NBPF14: variants seen among roughly 807,000 people sequenced by gnomAD.
The protein encoded by NBPF14 is NBPF member 14.
In NBPF14, 104 loss-of-function variants were observed where a neutral mutation model predicts 91.2. That is an observed-to-expected ratio of 1.14 (90% CI 0.97 to 1.34). NBPF14 has a LOEUF of 1.34. NBPF14 is among the 40% of genes most tolerant of loss of function. NBPF14 has a pLI of 0.00. For synonymous variants in NBPF14, 294 were observed against 303.8 expected (o/e 0.97, Z 0.34); for missense variants, 908 against 783.0 (o/e 1.16, Z -1.91).
chr1:148,534,967 A>C lies in NBPF14; in HGVS notation c.8442-111T>G, dbSNP rs1413244215. 13 of 738,538 alleles carry C rather than the reference A, an allele frequency of 1.8e-5. 2 individuals carry two copies. In the Admixed American group the frequency reaches 2.5e-4, roughly 14 times the overall value. 45.7% of individuals were successfully genotyped at this position (738,538 alleles called of 1,614,324 possible). The stretch of plus-strand genomic sequence containing the variant: ...AACAGTTTAAAAAGAAAAAGGACAG[A>C]TCCATTAATGAGGTAACGAATTATT... On this transcript the variant is annotated intron_variant, in intron 68 of 70. Coordinates refer to ENST00000619423, the Ensembl canonical transcript of NBPF14.
chr1:148,535,209 C>A (rs1330267992), intron 68 of NBPF14, among the ~76,000 whole-genome samples: 4 of 149,588 alleles, frequency 2.7e-5, no homozygotes, highest in East Asian at 2.0e-4. Flanking sequence ...TAAACTTGCT[C>A]AAGATTCCAT....
chr1:148,534,034 T>G, intron 69 of NBPF14, 65 bp from the exon 70 acceptor site: 2 of 640,976 alleles, frequency 3.1e-6, no homozygotes, highest in East Asian at 2.7e-5. Context: ...AACAATCCAC[T>G]GTCTAATCCT....
At chr1:148,534,585 T>C (rs1276578836) in intron 69 of NBPF14, 99 bp downstream of exon 69, 2 of 840,984 alleles carry the variant, frequency 2.4e-6, no homozygotes, top group South Asian at 1.3e-5. Context: ...CCTGCGGCAA[T>C]GACATCTCTC....
intron 16 of NBPF14, among the ~76,000 whole-genome samples, chr1:148,576,060 C>G (rs1659653454): frequency 1.4e-5 from 2 of 146,074 alleles, no homozygotes; most frequent in South Asian, 2.2e-4. Context: ...GGCCGGGTGA[C>G]ACACTGATGA....
chr1:148,577,579 C>G (rs1660105723), intron 14 of NBPF14, among the ~76,000 whole-genome samples: 1 of 146,526 alleles, frequency 6.8e-6, no homozygotes. Context: ...CACACACACT[C>G]ACACACACAC....
At position 148,593,799 on chromosome 1, in the gene NBPF14, C is replaced by T. The variant is rs1477770139; in HGVS notation, c.176-99G>A. The T allele has an allele frequency of 3.8e-6, 4 of 1,052,350 alleles. No individual in the cohort carries two copies. The East Asian group carries it at 7.1e-5, about 19-fold the overall frequency. 65.2% of individuals were successfully genotyped at this position (1,052,350 alleles called of 1,614,324 possible). On this transcript the variant is annotated intron_variant, in intron 2 of 70. Coordinates refer to ENST00000619423, the Ensembl canonical transcript of NBPF14. ...AGCCAGGTCCATCCCAAGGACAAAA[C>T]TCTCCCCAGTACCACGGTCTAGACA...
intron 2 of NBPF14, among the ~76,000 whole-genome samples, 161 bp downstream of exon 2, chr1:148,595,382 C>G (rs1663156049): frequency 6.7e-6 from 1 of 148,400 alleles, no homozygotes; most frequent in Non-Finnish European, 1.5e-5. Context: ...ACTTTGGCAC[C>G]TCTGTCTTCC....
At chr1:148,533,673 T>A (rs797036400) in intron 70 of NBPF14, among the ~76,000 whole-genome samples, 188 bp downstream of exon 70, 4 of 149,490 alleles carry the variant, frequency 2.7e-5, no homozygotes, top group East Asian at 2.0e-4. Context: ...CTATGGTACG[T>A]TAGGAAATGA....
intron 40 of NBPF14, among the ~76,000 whole-genome samples, 170 bp from the exon 41 acceptor site, chr1:148,557,032 G>A (rs1424206660): frequency 9.4e-6 from 1 of 106,130 alleles, no homozygotes; most frequent in South Asian, 3.6e-4. Flanking sequence ...GGGCCAAATG[G>A]AAAAGAATGA....
At chr1:148,577,865 A>G (rs1428736991) in intron 14 of NBPF14, 118 bp downstream of exon 14, 2 of 594,084 alleles carry the variant, frequency 3.4e-6, no homozygotes, top group South Asian at 2.0e-5. Context: ...TGTAGTAGGC[A>G]TAATTCAGAC....
intron 6 of NBPF14, among the ~76,000 whole-genome samples, chr1:148,589,821 C>T (rs1662151583): frequency 1.3e-5 from 2 of 148,158 alleles, no homozygotes; most frequent in East Asian, 1.9e-4. Flanking sequence ...CCACCTCTGC[C>T]GTCCGGGTTC....
chr1:148,539,532 G>C lies in NBPF14; in HGVS notation c.7760C>G (p.Ser2587Ter). 1 of 278,408 alleles carries C rather than the reference G, an allele frequency of 3.6e-6. No homozygotes were observed. The highest frequency in any genetic ancestry group is 6.1e-6 in the Non-Finnish European group (1 of 162,700). The allele number at this position is 278,408 out of a possible 1,614,324, so 17.2% of individuals were successfully genotyped here. Reference sequence around the variant, plus strand: ...AGGAGTCGAATAACATCTATCCAGTGAGTCCTGCAAGACTTCAGGCTCTTT... The same window carrying C: ...AGGAGTCGAATAACATCTATCCAGTCAGTCCTGCAAGACTTCAGGCTCTTT... The change falls in exon 63 of 71, where the codon TCA (serine) becomes TGA (stop). Residue 2587 changes from serine to a stop codon, truncating the protein, a stop_gained. Transcript: ENST00000619423. LOFTEE classifies it high-confidence loss of function.
intron 69 of NBPF14, among the ~76,000 whole-genome samples, chr1:148,534,237 T>A (rs1318441551): frequency 6.6e-6 from 1 of 151,360 alleles, no homozygotes; most frequent in Non-Finnish European, 1.5e-5. Context: ...TTACGCCATA[T>A]TTTTCCAATC....
Position 148,577,175 on chromosome 1 carries a change from G to A in NBPF14, c.2026+8C>T, listed in dbSNP as rs1659997438. 3 of 611,598 alleles carry A rather than the reference G, an allele frequency of 4.9e-6. No individual in the cohort carries two copies. Among genetic ancestry groups the A allele is most frequent in the East Asian group, 2.7e-5 (1 of 36,528 alleles). The allele number at this position is 611,598 out of a possible 1,614,324, so 37.9% of individuals were successfully genotyped here. The stretch of plus-strand genomic sequence containing the variant: ...GGATCCTTATCACCTTCATAGAAAG[G>A]TACTCACCATCCATGTCAACAGCCA... On this transcript the variant is annotated splice_region_variant and intron_variant, in intron 15 of 70. Transcript: ENST00000619423.
intron 6 of NBPF14, among the ~76,000 whole-genome samples, chr1:148,589,701 T>C (rs1340595164): frequency 8.6e-6 from 1 of 116,214 alleles, no homozygotes; most frequent in Non-Finnish European, 1.9e-5. Context: ...ACAAAAGATT[T>C]CATTTTGCTT....
Position 148,566,290 on chromosome 1 carries a change from C to T in NBPF14, c.3568G>A (p.Val1190Ile). The T allele has an allele frequency of 4.4e-6, 3 of 681,690 alleles. 1 individual carries two copies. The highest frequency in any genetic ancestry group is 4.1e-5 in the Admixed American group (2 of 49,124). The allele number at this position is 681,690 out of a possible 1,614,324, so 42.2% of individuals were successfully genotyped here. A position where few individuals can be genotyped will look rare whatever the true frequency, so the allele number is the denominator to read the frequency against. The change falls in exon 29 of 71, where the codon GTA becomes ATA. Residue 1190 changes from valine to isoleucine, a missense_variant. By Grantham distance (29) the Val-to-Ile change is conservative (BLOSUM62 3). Coordinates refer to ENST00000619423, the Ensembl canonical transcript of NBPF14. ...GAGTCCTGCAAGACTTCAGGCTCTA[C>T]TACCTCCAGCAGCTCCCTGCTGAGC...
At chr1:148,566,415 C>T in intron 28 of NBPF14, 100 bp from the exon 29 acceptor site, 2 of 614,576 alleles carry the variant, frequency 3.3e-6, no homozygotes, top group Non-Finnish European at 5.8e-6. Context: ...GGTTAAAAAA[C>T]TAAAAGGATA....
At chr1:148,585,882 C>A (rs1661443412) in intron 9 of NBPF14, among the ~76,000 whole-genome samples, 2 of 149,458 alleles carry the variant, frequency 1.3e-5, no homozygotes, top group Middle Eastern at 3.5e-3. Context: ...AAGTCATTCA[C>A]TCTCTGACAG....
chr1:148,534,467 G>C (rs1367828751), intron 69 of NBPF14, among the ~76,000 whole-genome samples: 5 of 151,720 alleles, frequency 3.3e-5, no homozygotes, highest in Non-Finnish European at 5.9e-5. Flanking sequence ...GGCGCCACAG[G>C]TATGGCCTGA....
Sources: allele counts gnomAD v4.1 joint callset (sites outside exome capture counted in the v4.1 genomes callset), GRCh38; gene constraint gnomAD v4.1.1; transcripts MANE v1.5; gene names NCBI Gene and HGNC (gene_info 2026-07-23, HGNC 2026-07-21).